FILIP1: variants seen among roughly 807,000 people sequenced by gnomAD.
FILIP1 encodes the protein filamin-A-interacting protein 1.
Under a neutral mutation model 102.1 loss-of-function variants are expected in FILIP1, and 61 were observed. The ratio of observed to expected loss-of-function variants is 0.60; its 90% CI spans 0.49 to 0.74. The LOEUF (loss-of-function observed/expected upper bound fraction) is 0.74, where lower values mean the gene tolerates loss of function less well. Ranked by LOEUF, FILIP1 falls within the 30% of genes least tolerant of loss-of-function variation. The probability of loss-of-function intolerance (pLI) is 0.00; values close to 1 mark genes in which losing one functional copy is unlikely to be tolerated. For synonymous variants in FILIP1, 491 were observed against 526.9 expected, an observed-to-expected ratio of 0.93 and a Z score of 0.93; for missense variants, 1,314 against 1,441.2, an observed-to-expected ratio of 0.91 and a Z score of 1.43.
intron 1 of FILIP1, among the ~76,000 whole-genome samples, chr6:75,479,082 AC>A (rs1779570930): frequency 6.6e-6 from 1 of 152,146 alleles, no homozygotes; most frequent in African/African-American, 2.4e-5. Flanking sequence ...TGTTTTAACA[AC>A]CCTATCCTAA....
At chr6:75,446,065 A>T (rs1778435943) in intron 1 of FILIP1, among the ~76,000 whole-genome samples, 10 of 152,178 alleles carry the variant, frequency 6.6e-5, no homozygotes, top group Admixed American at 6.5e-4. Context: ...AGAAAACTTA[A>T]GAGATCTTGA....
chr6:75,464,475 G>A (rs1291521866), intron 1 of FILIP1, among the ~76,000 whole-genome samples: 8 of 152,168 alleles, frequency 5.3e-5, no homozygotes, highest in South Asian at 2.1e-4. Flanking sequence ...TTTTAAAACT[G>A]AATTTAATGC....
At chr6:75,308,932 T>A in intron 5 of FILIP1, 35 bp from the exon 6 acceptor site, 1 of 1,607,974 alleles carries the variant, frequency 6.2e-7, no homozygotes, top group East Asian at 2.2e-5. Context: ...ACAAGGGAGA[T>A]GTTGGTGAGT....
intron 1 of FILIP1, among the ~76,000 whole-genome samples, chr6:75,489,824 TA>T (rs909296821): frequency 1.1e-4 from 16 of 152,044 alleles, no homozygotes; most frequent in South Asian, 4.1e-4. Flanking sequence ...CTATATATAT[TA>T]AAAAAATGTA....
chr6:75,438,810 C>T (rs1778108760), intron 1 of FILIP1, among the ~76,000 whole-genome samples: 3 of 152,128 alleles, frequency 2.0e-5, no homozygotes, highest in Admixed American at 1.3e-4. Flanking sequence ...GTGGAAGCAA[C>T]TAGAATGTTG....
intron 4 of FILIP1, among the ~76,000 whole-genome samples, chr6:75,350,232 G>A (rs1004252402): frequency 6.6e-6 from 1 of 152,128 alleles, no homozygotes; most frequent in Non-Finnish European, 1.5e-5. Flanking sequence ...AAGCACTAAA[G>A]TATAACTGAT....
chr6:75,370,252 C>T lies in FILIP1; in HGVS notation c.277-7335G>A, dbSNP rs539070700. ...CACTCAACCATTCTGTATCTACTTA[C>T]ATATGGTAATTTATTAATTTACTTG... On this transcript the variant is annotated intron_variant, in intron 2 of 5. Coordinates refer to ENST00000237172, the MANE Select transcript of FILIP1 (RefSeq NM_015687.5). Among the ~76,000 whole-genome samples, 11 of 152,330 alleles carry T rather than the reference C, an allele frequency of 7.2e-5. No homozygotes were observed. In the East Asian group the frequency reaches 1.9e-3, roughly 27 times the overall value.
At position 75,314,112 on chromosome 6, in the gene FILIP1, C is replaced by CA; in HGVS notation, c.1719dup (p.Glu574Ter). On this transcript the variant is annotated frameshift_variant, in exon 5 of 6. Coordinates refer to ENST00000237172, the MANE Select transcript of FILIP1 (RefSeq NM_015687.5). LOFTEE classifies it high-confidence loss of function. ...TCACTTTTCAATTTGCCTATCAACT[C>CA]ATCTCTTTCTCTTGTCAAGTTGTAT... The CA allele has an allele frequency of 6.6e-7, 1 of 1,510,866 alleles. No homozygotes were observed. The highest frequency in any genetic ancestry group is 8.8e-7 in the Non-Finnish European group (1 of 1,138,632). 93.6% of individuals were successfully genotyped at this position (1,510,866 alleles called of 1,614,324 possible). A position where few individuals can be genotyped will look rare whatever the true frequency, so the allele number is the denominator to read the frequency against.
At chr6:75,346,900 T>G (rs1774603895) in intron 4 of FILIP1, among the ~76,000 whole-genome samples, 1 of 152,196 alleles carries the variant, frequency 6.6e-6, no homozygotes, top group Admixed American at 6.5e-5. Context: ...TCCAGCTGGG[T>G]CACTGGGCCT....
At chr6:75,348,376 T>C (rs973270012) in intron 4 of FILIP1, among the ~76,000 whole-genome samples, 3 of 152,232 alleles carry the variant, frequency 2.0e-5, no homozygotes, top group Non-Finnish European at 4.4e-5. Context: ...TAAAAAATAT[T>C]TTTGTCTTTA....
At chr6:75,307,851 G>A (rs1773037832), downstream of FILIP1, among the ~76,000 whole-genome samples, 1 of 152,154 alleles carries the variant, frequency 6.6e-6, no homozygotes, top group African/African-American at 2.4e-5. Context: ...TAATGTATCA[G>A]AATTTACTTT....
At chr6:75,474,803 G>C (rs1779427266) in intron 1 of FILIP1, among the ~76,000 whole-genome samples, 1 of 152,252 alleles carries the variant, frequency 6.6e-6, no homozygotes, top group African/African-American at 2.4e-5. Flanking sequence ...GGAGGTGACT[G>C]GATCATGGGG....
At chr6:75,298,544 A>G (rs1260577152) in intron 6 of FILIP1, among the ~76,000 whole-genome samples, 1 of 152,206 alleles carries the variant, frequency 6.6e-6, no homozygotes, top group African/African-American at 2.4e-5. Flanking sequence ...CTTATTAGCT[A>G]TGTTTTCCCC....
At chr6:75,294,871 T>TTTTTTTC (rs1772630824) in exon 7 of FILIP1, 1 of 140,720 alleles carries the variant, frequency 7.1e-6, no homozygotes, top group East Asian at 2.0e-4. Flanking sequence ...TTCTTTTTTT[T>TTTTTTTC]TTTTTTTTTT....
chr6:75,444,591 ACCAT>A (rs1457491017), intron 1 of FILIP1, among the ~76,000 whole-genome samples: 1 of 152,026 alleles, frequency 6.6e-6, no homozygotes, highest in Non-Finnish European at 1.5e-5. Context: ...GGTGTCCCCT[ACCAT>A]CGTAAGTTGT....
chr6:75,446,195 C>G (rs1778439055), intron 1 of FILIP1, among the ~76,000 whole-genome samples: 1 of 152,046 alleles, frequency 6.6e-6, no homozygotes, highest in African/African-American at 2.4e-5. Context: ...AAAACAAATC[C>G]TCTAGTTGTT....
chr6:75,334,198 A>G (rs1164509771), intron 4 of FILIP1, among the ~76,000 whole-genome samples: 1 of 152,212 alleles, frequency 6.6e-6, no homozygotes, highest in Non-Finnish European at 1.5e-5. Context: ...AAGCCTTCAG[A>G]ACACATTAGT....
intron 1 of FILIP1, among the ~76,000 whole-genome samples, chr6:75,427,750 CCTCT>C (rs1777676336): frequency 1.3e-5 from 2 of 152,156 alleles, no homozygotes; most frequent in Admixed American, 1.3e-4. Context: ...TTTGAAGAGG[CCTCT>C]CTATCCCTCA....
chr6:75,321,736 G>A (rs1234622716), intron 4 of FILIP1, among the ~76,000 whole-genome samples: 1 of 152,060 alleles, frequency 6.6e-6, no homozygotes, highest in Non-Finnish European at 1.5e-5. Context: ...GGAGCTTGCA[G>A]TGAGCCGAGA....
Sources: gnomAD v4.1 joint callset for allele counts (sites outside exome capture counted in the v4.1 genomes callset) on GRCh38, gnomAD v4.1.1 for gene constraint, MANE v1.5 for transcripts, NCBI Gene and HGNC (gene_info 2026-07-23, HGNC 2026-07-21) for gene names.